Variants in ROBO2 observed in about 807,000 individuals in gnomAD.
The protein encoded by ROBO2 is roundabout guidance receptor 2, also known as roundabout homolog 2.
ROBO2 carries 53 observed loss-of-function variants against 160.8 expected under a neutral mutation model. The observed-to-expected ratio is 0.33, with a 90% CI of 0.26 to 0.41. The LOEUF (loss-of-function observed/expected upper bound fraction) is 0.41. ROBO2 is among the 10% of genes least tolerant of loss of function. The pLI is 1.00. For missense variants in ROBO2, 1,577 were observed against 1,722.4 expected, an observed-to-expected ratio of 0.92 and a Z score of 1.49; for synonymous variants, 664 against 611.7, an observed-to-expected ratio of 1.09 and a Z score of -1.26.
chr3:76,008,123 A>C (rs1302301932), intron 2 of ROBO2, among the ~76,000 whole-genome samples: 1 of 149,788 alleles, frequency 6.7e-6, no homozygotes, highest in Non-Finnish European at 1.5e-5. Context: ...AGTCACAACT[A>C]CTCTGGGAGG....
In ROBO2 at chr3:76,234,962, TAAAA is replaced by T. The variant is rs572083553; in HGVS notation, c.109+297362_109+297365del. Among the ~76,000 whole-genome samples, 695 of 152,272 alleles carry T rather than the reference TAAAA, an allele frequency of 4.6e-3. 13 individuals carry two copies. In the East Asian group the frequency reaches 0.065, roughly 14 times the overall value. Reference sequence around the variant, plus strand: ...TAGCTGATTTAGATGGTTTAGAAGATAAAAATTTGGACTTTGAGCTGTTGCTGGA... The same window carrying T: ...TAGCTGATTTAGATGGTTTAGAAGATATTTGGACTTTGAGCTGTTGCTGGA... On this transcript the variant is annotated intron_variant, in intron 2 of 26. Transcript: ENST00000487694.
chr3:77,224,479 C>A (rs1393271828), intron 2 of ROBO2, among the ~76,000 whole-genome samples: 1 of 151,876 alleles, frequency 6.6e-6, no homozygotes, highest in Non-Finnish European at 1.5e-5. Flanking sequence ...TAATAAAGTA[C>A]AGAGAACAAC....
chr3:76,365,162 A>G (rs2108429231), intron 2 of ROBO2, among the ~76,000 whole-genome samples: 1 of 152,156 alleles, frequency 6.6e-6, no homozygotes, highest in Non-Finnish European at 1.5e-5. Context: ...CTTCTTGTGA[A>G]TGGTAGTATC....
chr3:76,112,768 T>C lies in ROBO2; in HGVS notation c.109+175166T>C, dbSNP rs762746891. On this transcript the variant is annotated intron_variant, in intron 2 of 26. Coordinates refer to the ROBO2 transcript ENST00000487694. ...AATTATGTGATTGAGATTTTATAAT[T>C]TTTGCACATCTATGTTTTTCTAATT... 2.9e-4 allele frequency among the ~76,000 whole-genome samples: 44 copies of C among 152,188 alleles called. 1 individual carries two copies. The highest frequency in any genetic ancestry group is 6.2e-4 in the Non-Finnish European group (42 of 67,952).
rs554175171 is a variant in ROBO2, at chr3:76,529,564, C to T, written c.110-568450C>T. On this transcript the variant is annotated intron_variant, in intron 2 of 26. Transcript: ENST00000487694. ...AATAAAAATGAGATTCCTTTTGTTT[C>T]CAAAATGTGTGAATTATGATGGAAA... Among the ~76,000 whole-genome samples, 874 of 152,112 alleles carry T rather than the reference C, an allele frequency of 5.7e-3. 5 individuals are homozygous for T. The highest frequency in any genetic ancestry group is 0.011 in the Non-Finnish European group (730 of 67,976).
At chr3:77,134,830 C>CT (rs1281972086) in intron 2 of ROBO2, among the ~76,000 whole-genome samples, 2 of 152,196 alleles carry the variant, frequency 1.3e-5, no homozygotes, top group Non-Finnish European at 2.9e-5. Flanking sequence ...GCTATCCAGC[C>CT]AGGACTCATA....
At chr3:77,546,294 T>C in intron 6 of ROBO2, 44 bp from the exon 8 acceptor site, 1 of 1,607,390 alleles carries the variant, frequency 6.2e-7, no homozygotes, top group Non-Finnish European at 8.5e-7. Context: ...TTTTTATTTG[T>C]CTATGGTTGA....
At chr3:76,299,858 G>A (rs1709270085) in intron 2 of ROBO2, among the ~76,000 whole-genome samples, 2 of 152,032 alleles carry the variant, frequency 1.3e-5, no homozygotes, top group South Asian at 2.1e-4. Flanking sequence ...GAATGACTAA[G>A]TTTTTTGGCT....
intron 2 of ROBO2, among the ~76,000 whole-genome samples, chr3:76,576,780 C>CAA (rs56044277): frequency 0.31 from 28,403 of 92,608 alleles, 5,430 homozygotes; most frequent in East Asian, 0.41. Flanking sequence ...CTCCGTCTCA[C>CAA]AAAAAAAAAA....
chr3:76,172,100 G>A (rs1291936947), intron 2 of ROBO2, among the ~76,000 whole-genome samples: 6 of 152,034 alleles, frequency 3.9e-5, no homozygotes, highest in Admixed American at 3.9e-4. Flanking sequence ...GAAAACCACT[G>A]CCCATGCGAT....
chr3:76,449,387 A>G (rs370626746), intron 2 of ROBO2, among the ~76,000 whole-genome samples: 2 of 152,156 alleles, frequency 1.3e-5, no homozygotes, highest in Non-Finnish European at 1.5e-5. Flanking sequence ...AGCATTCACA[A>G]TAAGCTTTCT....
chr3:77,264,400 C>T (rs574179432), intron 2 of ROBO2, among the ~76,000 whole-genome samples: 11 of 152,202 alleles, frequency 7.2e-5, no homozygotes, highest in Admixed American at 2.0e-4. Context: ...TGGTTTTGTG[C>T]GATTGCCATT....
At chr3:76,932,413 T>C (rs1166118236) in intron 2 of ROBO2, among the ~76,000 whole-genome samples, 1 of 139,500 alleles carries the variant, frequency 7.2e-6, no homozygotes, top group African/African-American at 2.7e-5. Flanking sequence ...ATTGCATGCA[T>C]ATGTTTAGAA....
chr3:76,715,497 A>G (rs376595890), intron 2 of ROBO2, among the ~76,000 whole-genome samples: 50 of 152,270 alleles, frequency 3.3e-4, no homozygotes, highest in South Asian at 6.2e-4. Context: ...ACAGTTCTCA[A>G]AGCATTTCCT....
chr3:77,435,508 T>C (rs926372630), intron 2 of ROBO2, among the ~76,000 whole-genome samples: 16 of 151,926 alleles, frequency 1.1e-4, no homozygotes, highest in African/African-American at 3.9e-4. Context: ...GTTTAACAAT[T>C]TCAAATTTTT....
At chr3:77,295,205 C>G (rs538298181) in intron 2 of ROBO2, among the ~76,000 whole-genome samples, 14 of 134,828 alleles carry the variant, frequency 1.0e-4, no homozygotes, top group African/African-American at 4.2e-4. Flanking sequence ...GTAAAATTGA[C>G]GATTAAACGG....
At chr3:76,614,583 G>C (rs2088415477) in intron 2 of ROBO2, among the ~76,000 whole-genome samples, 1 of 151,840 alleles carries the variant, frequency 6.6e-6, no homozygotes. Context: ...CTGGAAGTTA[G>C]GCATATTTAT....
At chr3:76,064,710 A>C (rs2068192856) in intron 2 of ROBO2, among the ~76,000 whole-genome samples, 1 of 152,188 alleles carries the variant, frequency 6.6e-6, no homozygotes, top group Non-Finnish European at 1.5e-5. Flanking sequence ...GGGCCTGAAA[A>C]AATACATACA....
intron 2 of ROBO2, among the ~76,000 whole-genome samples, chr3:77,295,067 G>C (rs2061890119): frequency 6.6e-6 from 1 of 151,072 alleles, no homozygotes; most frequent in Non-Finnish European, 1.5e-5. Context: ...GTAAACTGAG[G>C]CTAGAGCACT....
Sources: gnomAD v4.1 joint callset for allele counts (sites outside exome capture counted in the v4.1 genomes callset) on GRCh38, gnomAD v4.1.1 for gene constraint, MANE v1.5 for transcripts, NCBI Gene and HGNC (gene_info 2026-07-23, HGNC 2026-07-21) for gene names.